TMEM117: variants seen among roughly 807,000 people sequenced by gnomAD.
TMEM117 encodes the protein transmembrane protein 117.
Under a neutral mutation model 52.4 loss-of-function variants are expected in TMEM117, and 27 were observed. That is an observed-to-expected ratio of 0.51 (90% CI 0.38 to 0.71). TMEM117 has a LOEUF of 0.71. Among genes scored for constraint, TMEM117 ranks in the 30% least tolerant of loss-of-function variants. The pLI is 0.00. For synonymous variants in TMEM117, 215 were observed against 206.3 expected, an observed-to-expected ratio of 1.04 and a Z score of -0.36; for missense variants, 556 against 630.5, an observed-to-expected ratio of 0.88 and a Z score of 1.26.
intron 3 of TMEM117, among the ~76,000 whole-genome samples, chr12:44,096,081 A>G (rs1417301253): frequency 6.6e-6 from 1 of 152,172 alleles, no homozygotes; most frequent in Non-Finnish European, 1.5e-5. Flanking sequence ...TAACAGACAA[A>G]CAGCCAAATC....
chr12:43,989,644 T>C (rs1592419476), intron 3 of TMEM117, among the ~76,000 whole-genome samples: 1 of 152,104 alleles, frequency 6.6e-6, no homozygotes, highest in East Asian at 1.9e-4. Context: ...ACAATTGTTT[T>C]CTCTGTTAGG....
At chr12:44,318,549 G>A (rs1387087777) in intron 6 of TMEM117, among the ~76,000 whole-genome samples, 2 of 152,136 alleles carry the variant, frequency 1.3e-5, no homozygotes, top group Admixed American at 6.5e-5. Context: ...ATTTGCCTGG[G>A]CATGAAGTGG....
intron 3 of TMEM117, among the ~76,000 whole-genome samples, chr12:43,979,826 A>T (rs1009444955): frequency 2.0e-5 from 3 of 152,132 alleles, no homozygotes; most frequent in African/African-American, 7.2e-5. Context: ...TTTAAAGGCT[A>T]CTGTTCTATC....
intron 5 of TMEM117, among the ~76,000 whole-genome samples, chr12:44,260,316 G>T (rs1950306463): frequency 6.6e-6 from 1 of 152,120 alleles, no homozygotes; most frequent in African/African-American, 2.4e-5. Context: ...TTGCCCTCTG[G>T]CTAAGTGGAG....
intron 6 of TMEM117, among the ~76,000 whole-genome samples, chr12:44,349,526 C>A (rs1951534242): frequency 6.6e-6 from 1 of 152,016 alleles, no homozygotes; most frequent in Admixed American, 6.6e-5. Context: ...TTATTAATCA[C>A]AACATGGCCA....
chr12:44,259,380 T>C (rs963358853), intron 5 of TMEM117, among the ~76,000 whole-genome samples: 3 of 152,166 alleles, frequency 2.0e-5, no homozygotes, highest in Non-Finnish European at 4.4e-5. Flanking sequence ...ATATGATTAT[T>C]ACAAAGCTTA....
intron 3 of TMEM117, among the ~76,000 whole-genome samples, chr12:44,128,421 A>T (rs1948362301): frequency 6.6e-6 from 1 of 151,996 alleles, no homozygotes; most frequent in Non-Finnish European, 1.5e-5. Flanking sequence ...GTCTTTTTTC[A>T]TTTGCTAAAT....
chr12:43,961,836 T>A (rs1945408662), intron 3 of TMEM117, among the ~76,000 whole-genome samples: 1 of 152,132 alleles, frequency 6.6e-6, no homozygotes, highest in South Asian at 2.1e-4. Context: ...AATAATTACT[T>A]TCTAGTCATG....
At chr12:43,905,186 A>G (rs1944365569) in intron 2 of TMEM117, among the ~76,000 whole-genome samples, 1 of 152,102 alleles carries the variant, frequency 6.6e-6, no homozygotes, top group Non-Finnish European at 1.5e-5. Flanking sequence ...GTGCCTGTGT[A>G]TGTCTCCCCT....
chr12:43,977,499 T>C (rs990856232), intron 3 of TMEM117, among the ~76,000 whole-genome samples: 5 of 152,190 alleles, frequency 3.3e-5, no homozygotes, highest in Admixed American at 1.3e-4. Flanking sequence ...TTTACATCTT[T>C]CCATAAAACT....
the TMEM117 span, among the ~76,000 whole-genome samples, chr12:44,396,306 T>C: frequency 8.5e-5 from 13 of 152,246 alleles, no homozygotes; most frequent in East Asian, 2.5e-3. Flanking sequence ...TAAGTCTTTC[T>C]TCATCTTCCA....
At chr12:43,921,191 C>G (rs1944687619) in intron 2 of TMEM117, among the ~76,000 whole-genome samples, 1 of 152,150 alleles carries the variant, frequency 6.6e-6, no homozygotes, top group Admixed American at 6.5e-5. Flanking sequence ...TCTGTCTTAT[C>G]TATCTACCCA....
intron 6 of TMEM117, among the ~76,000 whole-genome samples, chr12:44,344,706 A>C (rs1398387076): frequency 6.6e-6 from 1 of 152,070 alleles, no homozygotes; most frequent in Non-Finnish European, 1.5e-5. Flanking sequence ...TGTGACTCTA[A>C]GCTCATCTGT....
intron 3 of TMEM117, among the ~76,000 whole-genome samples, chr12:44,051,652 GATAAAGAA>G (rs1228107845): frequency 6.6e-6 from 1 of 152,116 alleles, no homozygotes; most frequent in Non-Finnish European, 1.5e-5. Flanking sequence ...ACACCATCTT[GATAAAGAA>G]ATTGAGATGC....
chr12:44,120,884 A>G (rs911748794), intron 3 of TMEM117, among the ~76,000 whole-genome samples: 3 of 152,230 alleles, frequency 2.0e-5, no homozygotes, highest in Admixed American at 1.3e-4. Context: ...AGTCATTTCA[A>G]TTAAAGATTT....
At chr12:43,806,388 T>C in the TMEM117 span, 47 of 1,199,084 alleles carry the variant, frequency 3.9e-5, no homozygotes, top group Middle Eastern at 3.3e-4. Context: ...TGAGGTTGAC[T>C]GAGTGCCCGA....
intron 5 of TMEM117, among the ~76,000 whole-genome samples, chr12:44,231,385 C>T (rs1458670787): frequency 1.3e-5 from 2 of 151,654 alleles, no homozygotes; most frequent in African/African-American, 2.4e-5. Flanking sequence ...ATTCTCCTCT[C>T]GATGGGCATT....
At chr12:44,253,984 T>C (rs1465692424) in intron 5 of TMEM117, among the ~76,000 whole-genome samples, 8 of 149,442 alleles carry the variant, frequency 5.4e-5, no homozygotes, top group Admixed American at 5.3e-4. Context: ...TTGATCATCA[T>C]TTTTTTTCCC....
At chr12:43,933,291 C>G (rs375448675) in intron 2 of TMEM117, among the ~76,000 whole-genome samples, 35 of 151,956 alleles carry the variant, frequency 2.3e-4, no homozygotes, top group Middle Eastern at 3.4e-3. Context: ...GCTCCGCCCC[C>G]CAGGGTTCAC....
Sources: gnomAD v4.1 joint callset for allele counts (sites outside exome capture counted in the v4.1 genomes callset) on GRCh38, gnomAD v4.1.1 for gene constraint, MANE v1.5 for transcripts, NCBI Gene and HGNC (gene_info 2026-07-23, HGNC 2026-07-21) for gene names.